The following TMTC2 variants were observed in gnomAD, a reference collection of about 807,000 sequenced individuals.
The protein encoded by TMTC2 is protein O-mannosyl-transferase TMTC2.
In TMTC2, 43 loss-of-function variants were observed where a neutral mutation model predicts 82.4. That is an observed-to-expected ratio of 0.52 (90% confidence interval 0.41 to 0.67). TMTC2 has a LOEUF of 0.67. Among genes scored for constraint, TMTC2 ranks in the 30% least tolerant of loss-of-function variants. The probability of loss-of-function intolerance (pLI) is 0.00; values close to 1 mark genes in which losing one functional copy is unlikely to be tolerated. For synonymous variants in TMTC2, 408 were observed against 381.9 expected (o/e 1.07, Z -0.80); for missense variants, 919 against 1,012.4 (o/e 0.91, Z 1.25).
intron 1 of TMTC2, among the ~76,000 whole-genome samples, chr12:82,847,818 G>T (rs2137101190): frequency 6.6e-6 from 1 of 152,042 alleles, no homozygotes; most frequent in East Asian, 1.9e-4. Context: ...TTGGGGGAGG[G>T]ATAGCATTAG....
At chr12:82,708,084 G>A (rs914332518) in intron 1 of TMTC2, among the ~76,000 whole-genome samples, 1 of 152,158 alleles carries the variant, frequency 6.6e-6, no homozygotes, top group Non-Finnish European at 1.5e-5. Context: ...ATTCATTTAT[G>A]TGTTGTCTGT....
intron 8 of TMTC2, among the ~76,000 whole-genome samples, chr12:82,999,523 G>T (rs1178776962): frequency 9.2e-5 from 14 of 151,868 alleles, no homozygotes; most frequent in Admixed American, 8.5e-4. Context: ...AAAGAAAGAG[G>T]TTTAATGGAC....
intron 11 of TMTC2, among the ~76,000 whole-genome samples, chr12:83,089,701 T>C (rs1883777167): frequency 2.6e-5 from 4 of 152,104 alleles, no homozygotes; most frequent in Admixed American, 2.6e-4. Flanking sequence ...GTTTGAAGCA[T>C]TGGACAGTGG....
chr12:82,952,049 C>A (rs1326208156), intron 4 of TMTC2, among the ~76,000 whole-genome samples: 3 of 152,150 alleles, frequency 2.0e-5, no homozygotes, highest in Non-Finnish European at 4.4e-5. Flanking sequence ...GAAACTATAG[C>A]TTTGTCTCTG....
intron 3 of TMTC2, among the ~76,000 whole-genome samples, chr12:82,905,663 G>A (rs1316668480): frequency 6.6e-6 from 1 of 152,124 alleles, no homozygotes; most frequent in African/African-American, 2.4e-5. Flanking sequence ...AAACACAGTT[G>A]GCCAGGCGCC....
chr12:82,721,108 A>G (rs986917313), intron 1 of TMTC2, among the ~76,000 whole-genome samples: 8 of 152,240 alleles, frequency 5.3e-5, no homozygotes, highest in Non-Finnish European at 1.5e-5. Flanking sequence ...CAGGTTTTGT[A>G]AATGAAGTTA....
At position 82,734,010 on chromosome 12, in the gene TMTC2, A is replaced by G. The variant is rs533087754; in HGVS notation, c.83+46341A>G. Among the ~76,000 whole-genome samples the G allele has an allele frequency of 2.0e-5, 3 of 152,298 alleles. No homozygotes were observed. In the South Asian group the frequency reaches 6.2e-4, roughly 32 times the overall value. On this transcript the variant is annotated intron_variant, in intron 1 of 11. Transcript: ENST00000321196. ...CAGTACTTTAAACCTTTATTGAAGA[A>G]CTAGTATGTGAATTCATTCATGTCT...
At chr12:82,929,623 T>G (rs929951813) in intron 3 of TMTC2, among the ~76,000 whole-genome samples, 1 of 152,124 alleles carries the variant, frequency 6.6e-6, no homozygotes, top group Non-Finnish European at 1.5e-5. Flanking sequence ...CTTCTCATCC[T>G]CATCATTTGC....
At chr12:82,704,307 C>T (rs1873236986) in intron 1 of TMTC2, among the ~76,000 whole-genome samples, 1 of 152,050 alleles carries the variant, frequency 6.6e-6, no homozygotes, top group Non-Finnish European at 1.5e-5. Flanking sequence ...ATTTTCTGTA[C>T]ATCATAAGAT....
At chr12:83,092,431 G>A (rs568701119) in intron 11 of TMTC2, among the ~76,000 whole-genome samples, 2 of 152,154 alleles carry the variant, frequency 1.3e-5, no homozygotes, top group Admixed American at 6.5e-5. Flanking sequence ...TTTATGGAAG[G>A]TACACATATC....
In TMTC2 at chr12:82,797,935, ATTTT is replaced by A. The variant is rs72046660; in HGVS notation, c.84-59057_84-59054del. Reference sequence around the variant, plus strand: ...AGTAATTTTTAATATAACCACCCTAATTTTTTTTTTTTTTTTTTTTTGAGACGAG... The same window carrying A: ...AGTAATTTTTAATATAACCACCCTAATTTTTTTTTTTTTTTTTGAGACGAG... On this transcript the variant is annotated intron_variant, in intron 1 of 11. Transcript: ENST00000321196. Among the ~76,000 whole-genome samples the A allele has an allele frequency of 2.5e-5, 3 of 121,804 alleles. 1 individual carries two copies. The highest frequency in any genetic ancestry group is 3.4e-5 in the Non-Finnish European group (2 of 59,466). 79.9% of individuals were successfully genotyped at this position (121,804 alleles called of 152,430 possible). A position where few individuals can be genotyped will look rare whatever the true frequency, so the allele number is the denominator to read the frequency against.
intron 4 of TMTC2, among the ~76,000 whole-genome samples, chr12:82,931,519 T>A (rs1876030366): frequency 6.6e-6 from 1 of 152,206 alleles, no homozygotes; most frequent in Non-Finnish European, 1.5e-5. Flanking sequence ...CTTATATTTA[T>A]GAGAACATTT....
At chr12:82,795,437 G>C (rs1242500339) in intron 1 of TMTC2, among the ~76,000 whole-genome samples, 1 of 151,864 alleles carries the variant, frequency 6.6e-6, no homozygotes, top group Non-Finnish European at 1.5e-5. Flanking sequence ...ATTTAACCTA[G>C]TATTTGTGTC....
chr12:82,829,834 G>A (rs1271295021), intron 1 of TMTC2, among the ~76,000 whole-genome samples: 1 of 152,096 alleles, frequency 6.6e-6, no homozygotes, highest in East Asian at 1.9e-4. Flanking sequence ...GAAGGTGGGT[G>A]GGGTTGATAG....
chr12:82,920,623 C>G (rs1241887855), intron 3 of TMTC2, among the ~76,000 whole-genome samples: 1 of 152,090 alleles, frequency 6.6e-6, no homozygotes, highest in Non-Finnish European at 1.5e-5. Context: ...ATTCCTACTT[C>G]TTCACTTCTT....
chr12:82,959,184 A>G (rs543750441), intron 4 of TMTC2, among the ~76,000 whole-genome samples: 1 of 152,202 alleles, frequency 6.6e-6, no homozygotes, highest in African/African-American at 2.4e-5. Context: ...CAGATGACAC[A>G]AACTATGGAA....
At chr12:82,849,306 A>G (rs1232566784) in intron 1 of TMTC2, among the ~76,000 whole-genome samples, 1 of 152,126 alleles carries the variant, frequency 6.6e-6, no homozygotes, top group Non-Finnish European at 1.5e-5. Flanking sequence ...GAGGTGACCT[A>G]TAGCCTAATG....
intron 1 of TMTC2, among the ~76,000 whole-genome samples, chr12:82,763,247 T>C (rs901854428): frequency 7.9e-6 from 1 of 126,006 alleles, no homozygotes. Context: ...ACAAACTGAA[T>C]AGAAGACAGA....
At chr12:82,751,052 A>G (rs1437335820) in intron 1 of TMTC2, among the ~76,000 whole-genome samples, 1 of 152,166 alleles carries the variant, frequency 6.6e-6, no homozygotes, top group African/African-American at 2.4e-5. Context: ...TTCTGGGATA[A>G]TGTTGAATTC....
Sources: allele counts gnomAD v4.1 joint callset (sites outside exome capture counted in the v4.1 genomes callset), GRCh38; gene constraint gnomAD v4.1.1; transcripts MANE v1.5; gene names NCBI Gene and HGNC (gene_info 2026-07-23, HGNC 2026-07-21).